The following LYRM4 variants were observed in gnomAD, a reference collection of about 807,000 sequenced individuals.
LYRM4 encodes the protein LYR motif-containing protein 4.
Under a neutral mutation model 11.7 loss-of-function variants are expected in LYRM4, and 9 were observed. The ratio of observed to expected loss-of-function variants is 0.77; its 90% CI spans 0.46 to 1.34. The LOEUF is 1.34. LYRM4 is among the 40% of genes most tolerant of loss of function. LYRM4 has a pLI of 0.00. For synonymous variants in LYRM4, 42 were observed against 40.4 expected (o/e 1.04, Z -0.15); for missense variants, 133 against 112.5 (o/e 1.18, Z -0.82).
intron 2 of LYRM4, among the ~76,000 whole-genome samples, chr6:5,152,996 T>G (rs1758180890): frequency 6.6e-6 from 1 of 152,250 alleles, no homozygotes; most frequent in South Asian, 2.1e-4. Context: ...TGCAGGTTCC[T>G]TAAATGAAGG....
At chr6:5,193,694 G>T (rs1760893040) in intron 2 of LYRM4, among the ~76,000 whole-genome samples, 1 of 152,176 alleles carries the variant, frequency 6.6e-6, no homozygotes, top group Non-Finnish European at 1.5e-5. Flanking sequence ...TGAGACAGAT[G>T]AACAGCCAAA....
At chr6:5,043,418 T>C in the LYRM4 span, 8 of 152,086 alleles carry the variant, frequency 5.3e-5, no homozygotes, top group Admixed American at 3.9e-4. Flanking sequence ...TGTTCCTCCT[T>C]TCAACTCTCA....
chr6:5,114,956 G>T (rs1238260590), intron 2 of LYRM4, among the ~76,000 whole-genome samples: 1 of 151,994 alleles, frequency 6.6e-6, no homozygotes, highest in East Asian at 1.9e-4. Flanking sequence ...TTTAAAACGT[G>T]GTGTATATAT....
the LYRM4 span, among the ~76,000 whole-genome samples, chr6:5,084,011 T>C: frequency 6.6e-6 from 1 of 152,124 alleles, no homozygotes; most frequent in East Asian, 1.9e-4. Context: ...GGGGGGCGCC[T>C]GTAATCCCAG....
At chr6:5,144,622 CT>C (rs1757601021) in intron 2 of LYRM4, among the ~76,000 whole-genome samples, 1 of 43,686 alleles carries the variant, frequency 2.3e-5, no homozygotes, top group African/African-American at 8.9e-5. Context: ...GAGACTCCGT[CT>C]CAAAAAAAAA....
intron 1 of LYRM4, among the ~76,000 whole-genome samples, chr6:5,222,539 C>A (rs1473559484): frequency 6.6e-6 from 1 of 152,008 alleles, no homozygotes; most frequent in Non-Finnish European, 1.5e-5. Flanking sequence ...CAAGTTAACA[C>A]AAAGGGCCCA....
chr6:5,056,621 A>G, the LYRM4 span, among the ~76,000 whole-genome samples: 1 of 152,232 alleles, frequency 6.6e-6, no homozygotes, highest in East Asian at 1.9e-4. Context: ...ATTTGTTTCA[A>G]TGCTGATCTC....
intron 2 of LYRM4, among the ~76,000 whole-genome samples, chr6:5,162,517 G>GAGAGAGAAAGAGAGAGAGAA (rs1758828549): frequency 1.3e-5 from 2 of 152,120 alleles, no homozygotes; most frequent in African/African-American, 2.4e-5. Context: ...GAGAGAGAGA[G>GAGAGAGAAAGAGAGAGAGAA]AGAGAAAGAG....
At chr6:5,194,514 C>G (rs912364896) in intron 2 of LYRM4, among the ~76,000 whole-genome samples, 1 of 152,186 alleles carries the variant, frequency 6.6e-6, no homozygotes, top group Non-Finnish European at 1.5e-5. Context: ...TTAGTTCCCT[C>G]TTCTTCGAGG....
At chr6:5,094,810 C>T in the LYRM4 span, among the ~76,000 whole-genome samples, 1 of 151,926 alleles carries the variant, frequency 6.6e-6, no homozygotes, top group Admixed American at 6.6e-5. Flanking sequence ...AGAATGTAAG[C>T]GATGTAGTAC....
Position 5,109,191 on chromosome 6 carries a change from C to T in LYRM4, c.*232G>A, listed in dbSNP as rs1697819903. 4 of 1,400,722 alleles carry T rather than the reference C, an allele frequency of 2.9e-6. No homozygotes were observed. The highest frequency in any genetic ancestry group is 1.4e-5 in the African/African-American group (1 of 69,122). 86.8% of individuals were successfully genotyped at this position (1,400,722 alleles called of 1,614,324 possible). The stretch of plus-strand genomic sequence containing the variant: ...GCAGGGGAGACGTGGTAACACACAG[C>T]ACTATTCTGAACGAACTCCAGCTCT... On this transcript the variant is annotated 3_prime_UTR_variant, in exon 3 of 3. Coordinates refer to ENST00000330636, the MANE Select transcript of LYRM4 (RefSeq NM_020408.6).
chr6:5,145,502 C>T (rs7756660), intron 2 of LYRM4, among the ~76,000 whole-genome samples: 12,487 of 152,218 alleles, frequency 0.082, 556 homozygotes, highest in African/African-American at 0.12. Flanking sequence ...ATCACTATGA[C>T]GGCGAGGGCG....
intron 2 of LYRM4, chr6:5,187,093 G>A (rs1190876066): frequency 1.0e-5 from 9 of 897,630 alleles, no homozygotes; most frequent in Non-Finnish European, 1.2e-5. Flanking sequence ...AATGGTGAAT[G>A]AATAATATAG....
At chr6:5,179,699 G>A (rs1186671070) in intron 2 of LYRM4, among the ~76,000 whole-genome samples, 2 of 152,148 alleles carry the variant, frequency 1.3e-5, no homozygotes, top group Non-Finnish European at 2.9e-5. Flanking sequence ...ACACCTGTTT[G>A]CTACTGTGAA....
chr6:5,051,845 G>A, the LYRM4 span, among the ~76,000 whole-genome samples: 5 of 152,148 alleles, frequency 3.3e-5, no homozygotes, highest in South Asian at 2.1e-4. Context: ...AAGGGGAGCC[G>A]GGAAGTGCAG....
chr6:5,095,813 C>T, the LYRM4 span, among the ~76,000 whole-genome samples: 1 of 151,810 alleles, frequency 6.6e-6, no homozygotes, highest in African/African-American at 2.4e-5. Flanking sequence ...AACCTCATCT[C>T]TACTAAAAAT....
intron 2 of LYRM4, chr6:5,136,129 AT>A (rs1423704175): frequency 4.3e-6 from 1 of 230,502 alleles, no homozygotes; most frequent in Non-Finnish European, 7.1e-6. Flanking sequence ...GCTGTACCAC[AT>A]TTTGTTCATC....
the LYRM4 span, among the ~76,000 whole-genome samples, chr6:5,068,451 G>A: frequency 0.011 from 1,681 of 152,274 alleles, 29 homozygotes; most frequent in African/African-American, 0.039. This position sits in a 1 kb window ranked among gnomAD's most constrained non-coding sequence, Gnocchi z 4.0. Flanking sequence ...ATGGGTGAGC[G>A]CAAACATAAG....
intron 2 of LYRM4, among the ~76,000 whole-genome samples, chr6:5,156,779 G>C (rs1490539842): frequency 6.6e-6 from 1 of 152,180 alleles, no homozygotes; most frequent in Non-Finnish European, 1.5e-5. Flanking sequence ...TGGTGACGGG[G>C]AAAGATGGAT....
Sources: gnomAD v4.1 joint callset for allele counts (sites outside exome capture counted in the v4.1 genomes callset) on GRCh38, gnomAD v4.1.1 for gene constraint, Gnocchi (gnomAD v3.1) non-coding constraint, MANE v1.5 for transcripts, NCBI Gene and HGNC (gene_info 2026-07-23, HGNC 2026-07-21) for gene names.